The following COL19A1 variants were observed in gnomAD, a reference collection of about 807,000 sequenced individuals.
COL19A1 encodes collagen type XIX alpha 1 chain.
Under a neutral mutation model 190.2 loss-of-function variants are expected in COL19A1, and 159 were observed. That is an observed-to-expected ratio of 0.84 (90% CI 0.73 to 0.95). The LOEUF (loss-of-function observed/expected upper bound fraction) is 0.95, where lower values mean the gene tolerates loss of function less well. COL19A1 is among the 40% of genes least tolerant of loss of function. COL19A1 has a pLI of 0.00. For missense variants in COL19A1, 1,418 were observed against 1,431.9 expected (o/e 0.99, Z 0.16); for synonymous variants, 509 against 458.9 (o/e 1.11, Z -1.39).
chr6:70,026,552 C>A (rs1397922309), intron 12 of COL19A1, among the ~76,000 whole-genome samples: 1 of 152,108 alleles, frequency 6.6e-6, no homozygotes, highest in Non-Finnish European at 1.5e-5. Context: ...GTTATTTTTT[C>A]CCCTTAATTT....
chr6:70,178,034 G>T (rs1583097285), intron 42 of COL19A1, among the ~76,000 whole-genome samples: 1 of 152,222 alleles, frequency 6.6e-6, no homozygotes, highest in Non-Finnish European at 1.5e-5. Context: ...CTGCCACTTA[G>T]TTGGATGTCT....
At chr6:69,903,591 G>C (rs1352558083) in intron 4 of COL19A1, among the ~76,000 whole-genome samples, 1 of 152,306 alleles carries the variant, frequency 6.6e-6, no homozygotes, top group South Asian at 2.1e-4. Context: ...AGTCCGGGGG[G>C]TTGTTATCCA....
chr6:70,046,684 AAAT>A (rs1050702963), intron 14 of COL19A1, among the ~76,000 whole-genome samples: 1 of 80,886 alleles, frequency 1.2e-5, no homozygotes, highest in Non-Finnish European at 2.3e-5. Context: ...GTTTAAATTA[AAAT>A]GTCTTTAATC....
chr6:70,175,500 C>A (rs1383094539), intron 41 of COL19A1, among the ~76,000 whole-genome samples: 4 of 151,938 alleles, frequency 2.6e-5, no homozygotes, highest in African/African-American at 9.6e-5. Flanking sequence ...AAACTTTTTT[C>A]AATGAAATTA....
At chr6:69,939,189 A>G (rs2150022896) in intron 9 of COL19A1, among the ~76,000 whole-genome samples, 1 of 152,274 alleles carries the variant, frequency 6.6e-6, no homozygotes, top group South Asian at 2.1e-4. Flanking sequence ...GCTCTTTAAA[A>G]TGCATTGCTT....
intron 10 of COL19A1, among the ~76,000 whole-genome samples, chr6:69,961,354 C>A (rs1774788296): frequency 6.6e-6 from 1 of 152,204 alleles, no homozygotes; most frequent in African/African-American, 2.4e-5. Context: ...TTCTTCACAG[C>A]AGCTCTAGAC....
At chr6:70,175,181 G>A (rs1765729723) in intron 41 of COL19A1, among the ~76,000 whole-genome samples, 1 of 151,958 alleles carries the variant, frequency 6.6e-6, no homozygotes, top group Non-Finnish European at 1.5e-5. Context: ...TTTGATGATG[G>A]CTATGCTCCA....
chr6:69,956,896 A>G (rs1258580792), intron 9 of COL19A1, among the ~76,000 whole-genome samples: 1 of 152,110 alleles, frequency 6.6e-6, no homozygotes, highest in Non-Finnish European at 1.5e-5. Context: ...TTTTCAGTAC[A>G]GAAATGTTAT....
At chr6:69,985,710 A>G (rs557073921) in intron 11 of COL19A1, among the ~76,000 whole-genome samples, 5 of 152,140 alleles carry the variant, frequency 3.3e-5, no homozygotes, top group African/African-American at 1.2e-4. Flanking sequence ...TTATTTCAAA[A>G]CTTTGCTCAG....
In COL19A1 at chr6:70,208,744, T is replaced by C. The variant is rs1768030820; in HGVS notation, c.*1470T>C. 1 of 152,596 alleles carries C rather than the reference T, an allele frequency of 6.6e-6. No individual in the cohort carries two copies. The highest frequency in any genetic ancestry group is 1.5e-5 in the Non-Finnish European group (1 of 68,032). The allele number at this position is 152,596 out of a possible 1,614,324, so 9.5% of individuals were successfully genotyped here. ...AAAACAGGATGATTGCTTTTGTCTG[T>C]TTACTGAAAAATGAGTTTAGAAAGG... On this transcript the variant is annotated 3_prime_UTR_variant, in exon 51 of 51. Coordinates refer to ENST00000620364, the MANE Select transcript of COL19A1 (RefSeq NM_001858.6).
At chr6:70,171,814 TACTTAAAA>T (rs1457386226) in intron 40 of COL19A1, 142 bp from the exon 41 acceptor site, 5 of 663,616 alleles carry the variant, frequency 7.5e-6, no homozygotes, top group Admixed American at 2.6e-5. Flanking sequence ...AATAATACAT[TACTTAAAA>T]ATAGGGCATA....
rs549336118 is a variant in COL19A1 at position 69,949,227 on chromosome 6, C to T, written c.937-10769C>T. On this transcript the variant is annotated intron_variant, in intron 9 of 50. Transcript: ENST00000620364. ...CCCGGATTCACACATCATCAGAGAC[C>T]GTACTTAGTGGTTAATATCCTTCCA... 3.3e-5 allele frequency among the ~76,000 whole-genome samples: 5 copies of T among 151,864 alleles called. No individual in the cohort carries two copies. The East Asian group carries it at 7.7e-4, about 24-fold the overall frequency.
chr6:70,115,980 T>C (rs529950183), intron 16 of COL19A1, among the ~76,000 whole-genome samples: 1 of 152,148 alleles, frequency 6.6e-6, no homozygotes, highest in South Asian at 2.1e-4. Context: ...AAATTTCATT[T>C]TGAGTAAATA....
At chr6:70,137,807 G>A (rs549857818) in intron 19 of COL19A1, 60 bp downstream of exon 19, 28 of 1,554,372 alleles carry the variant, frequency 1.8e-5, no homozygotes, top group South Asian at 3.4e-5. Context: ...TTAAAAATAC[G>A]TTTCCAAATC....
chr6:70,115,977 A>T (rs903727961), intron 16 of COL19A1, among the ~76,000 whole-genome samples: 6 of 151,972 alleles, frequency 3.9e-5, no homozygotes, highest in African/African-American at 1.4e-4. Context: ...AAAAAATTTC[A>T]TTTTGAGTAA....
chr6:70,123,140 G>T (rs1230562040), intron 17 of COL19A1, among the ~76,000 whole-genome samples: 3 of 152,106 alleles, frequency 2.0e-5, no homozygotes, highest in Non-Finnish European at 2.9e-5. Context: ...ATCAAAAAGT[G>T]GGTGAAGGAC....
chr6:69,872,671 A>G (rs1212286382), intron 1 of COL19A1, among the ~76,000 whole-genome samples: 1 of 152,204 alleles, frequency 6.6e-6, no homozygotes, highest in Non-Finnish European at 1.5e-5. Context: ...GAATAATGGA[A>G]TGGGGTAAAG....
intron 16 of COL19A1, among the ~76,000 whole-genome samples, chr6:70,105,288 G>C (rs1783881039): frequency 6.6e-6 from 1 of 152,084 alleles, no homozygotes; most frequent in African/African-American, 2.4e-5. Flanking sequence ...CTCCCGAGTA[G>C]CTGGGACTAC....
chr6:70,142,681 C>A, intron 22 of COL19A1, 86 bp from the exon 23 acceptor site: 1 of 1,213,410 alleles, frequency 8.2e-7, no homozygotes, highest in Non-Finnish European at 1.2e-6. Flanking sequence ...ATGAAGATCA[C>A]ACTATTCTTT....
Sources: allele counts gnomAD v4.1 joint callset (sites outside exome capture counted in the v4.1 genomes callset), GRCh38; gene constraint gnomAD v4.1.1; transcripts MANE v1.5; gene names NCBI Gene and HGNC (gene_info 2026-07-23, HGNC 2026-07-21).